Variants in GABRA6 observed in about 807,000 individuals in gnomAD.
GABRA6 encodes gamma-aminobutyric acid receptor subunit alpha-6.
GABRA6 carries 45 observed loss-of-function variants against 47.3 expected under a neutral mutation model. That is an observed-to-expected ratio of 0.95 (90% CI 0.75 to 1.22). The LOEUF (loss-of-function observed/expected upper bound fraction) is 1.22, where lower values mean the gene tolerates loss of function less well. Among genes scored for constraint, GABRA6 ranks in the 50% most tolerant of loss-of-function variants. The pLI, the probability that GABRA6 is intolerant of heterozygous loss-of-function variation, is 0.00. For synonymous variants in GABRA6, 219 were observed against 194.7 expected (o/e 1.12, Z -1.04); for missense variants, 583 against 549.3 (o/e 1.06, Z -0.61).
intron 8 of GABRA6, among the ~76,000 whole-genome samples, chr5:161,693,993 T>G (rs1343628823): frequency 2.0e-5 from 3 of 152,168 alleles, no homozygotes; most frequent in African/African-American, 7.2e-5. Context: ...TTCCTTTGAC[T>G]TAATAATATA....
rs1219664277 is a variant in GABRA6 at position 161,692,156 on chromosome 5, A to G, written c.1042A>G (p.Thr348Ala). ...ACAGTTTGCAGCCCCACCCACAGTG[A>G]CAATATCAAAAGCTACTGAACCTTT... ...KAQFAAPPTV[T>A]ISKATEPLEA... Residue 348 changes from threonine (T) to alanine (A), a missense_variant, in exon 8 of 9, where the codon ACA becomes GCA. Transcript: ENST00000274545. 3 of 1,614,124 alleles carry G rather than the reference A, an allele frequency of 1.9e-6. No individual in the cohort carries two copies. The highest frequency in any genetic ancestry group is 2.2e-5 in the East Asian group (1 of 44,904).
chr5:161,689,778 A>AGATTTAATTT lies in GABRA6; in HGVS notation c.673_673+1insATTTAATTTG (p.Gly225AspfsTer5). ...CTAGTGAGACAATTAAATCTAACAC[A>AGATTTAATTT]GGTAAGAATTTGACCAAAGGATGGA... is the stretch of plus-strand genomic sequence containing the variant. On this transcript the variant is annotated frameshift_variant and splice_region_variant, in exon 6 of 9. Transcript: ENST00000274545. LOFTEE classifies it high-confidence loss of function. 1 of 1,612,520 alleles carries AGATTTAATTT rather than the reference A, an allele frequency of 6.2e-7. No homozygotes were observed. The highest frequency in any genetic ancestry group is 8.5e-7 in the Non-Finnish European group (1 of 1,178,650).
intron 8 of GABRA6, among the ~76,000 whole-genome samples, chr5:161,699,143 TGTC>T (rs1418228173): frequency 1.3e-5 from 2 of 152,210 alleles, no homozygotes; most frequent in African/African-American, 4.8e-5. Context: ...CAACTAGGCA[TGTC>T]TTCCCTCTTT....
At position 161,701,751 on chromosome 5, in the gene GABRA6, A is replaced by C; in HGVS notation, c.1340A>C (p.Glu447Ala). The part of the protein sequence containing the change: ...WVVYLSKDTM[E>A]VSSSVE ...GTTTATCTTTCCAAAGATACAATGG[A>C]AGTCAGTAGCAGTGTTGAATAGCTT... Residue 447 changes from glutamate to alanine, a missense_variant, in exon 9 of 9, where the codon GAA (glutamate) becomes GCA (alanine). Transcript: ENST00000274545. 6.2e-7 allele frequency: 1 copy of C among 1,614,170 alleles called. No homozygotes were observed. Among genetic ancestry groups the C allele is most frequent in the East Asian group, 2.2e-5 (1 of 44,886 alleles).
In GABRA6 at chr5:161,701,661, T is replaced by C. The variant is rs1252427484; in HGVS notation, c.1250T>C (p.Ile417Thr). Residue 417 changes from isoleucine (I) to threonine (T), a missense_variant, in exon 9 of 9, where the codon ATA becomes ACA. Ile to Thr is a moderately conservative substitution (Grantham distance 89, BLOSUM62 -1). Transcript: ENST00000274545. ...CCAGCCTTTGGAGGCACCAGTAAAA[T>C]AGACCAGTATTCTCGAATTCTCTTC... The part of the protein sequence containing the change: ...LSPAFGGTSK[I>T]DQYSRILFPV... 5.0e-6 allele frequency: 8 copies of C among 1,614,048 alleles called. No individual in the cohort carries two copies. Among genetic ancestry groups the C allele is most frequent in the African/African-American group, 2.7e-5 (2 of 74,930 alleles).
chr5:161,698,418 C>T (rs1002443890), intron 8 of GABRA6, among the ~76,000 whole-genome samples: 1 of 151,782 alleles, frequency 6.6e-6, no homozygotes, highest in Non-Finnish European at 1.5e-5. Flanking sequence ...GATGTTATTT[C>T]AGACAAAGAA....
chr5:161,689,880 C>A (rs1754763298), intron 6 of GABRA6, 101 bp downstream of exon 6: 2 of 1,280,898 alleles, frequency 1.6e-6, no homozygotes, highest in Non-Finnish European at 2.3e-6. Context: ...CCATTCTCAG[C>A]TAAGCATGCT....
chr5:161,692,260 C>T, intron 8 of GABRA6, 60 bp downstream of exon 8: 2 of 1,602,714 alleles, frequency 1.2e-6, no homozygotes, highest in South Asian at 1.1e-5. Flanking sequence ...AAATAGTGAT[C>T]AGAAACAACG....
chr5:161,689,850 T>A, intron 6 of GABRA6, 71 bp downstream of exon 6: 2 of 1,451,086 alleles, frequency 1.4e-6, no homozygotes, highest in Non-Finnish European at 1.9e-6. Flanking sequence ...AAATATCTAT[T>A]TCTTTTTCCT....
intron 8 of GABRA6, among the ~76,000 whole-genome samples, chr5:161,699,655 G>C (rs1754944839): frequency 6.6e-6 from 1 of 151,362 alleles, no homozygotes; most frequent in African/African-American, 2.4e-5. Context: ...ATAGAGACGG[G>C]GTTTCACCAT....
At position 161,702,286 on chromosome 5, in the gene GABRA6, G is replaced by A. The variant is rs1331487014; in HGVS notation, c.*513G>A. On this transcript the variant is annotated 3_prime_UTR_variant, in exon 9 of 9. Transcript: ENST00000274545. ...TCAGTGGCATTGTAAAGCCTACATT[G>A]AGCTTAGCCATTTGTTTTTAACCTC... is the stretch of plus-strand genomic sequence containing the variant. 1 of 162,912 alleles carries A rather than the reference G, an allele frequency of 6.1e-6. No individual in the cohort carries two copies. 10.1% of individuals were successfully genotyped at this position (162,912 alleles called of 1,614,324 possible).
At position 161,690,331 on chromosome 5, in the gene GABRA6, C is replaced by G; in HGVS notation, c.804C>G (p.Ser268=). 6.2e-7 allele frequency: 1 copy of G among 1,613,560 alleles called. No individual in the cohort carries two copies. Among genetic ancestry groups the G allele is most frequent in the Non-Finnish European group, 8.5e-7 (1 of 1,179,808 alleles). ...SQVSFWINKE[S]VPARTVFGIT... ...TGTCTTTCTGGATTAATAAGGAGTC[C>G]GTCCCAGCAAGAACTGTTTTTGGTA... is the stretch of plus-strand genomic sequence containing the variant. The change falls in exon 7 of 9, where the codon TCC becomes TCG. Residue 268 remains serine (S), a synonymous_variant. Coordinates refer to ENST00000274545, the MANE Select transcript of GABRA6 (RefSeq NM_000811.3).
Position 161,685,917 on chromosome 5 carries a change from T to C in GABRA6, c.-73T>C, listed in dbSNP as rs1754683047. ...GGGTTTGAAAGATTTCTCCAGTTGA[T>C]TGGCAGAGAAGAGCTGGCTAGCAGG... is the stretch of plus-strand genomic sequence containing the variant. On this transcript the variant is annotated 5_prime_UTR_variant, in exon 1 of 9. Transcript: ENST00000274545. 2 of 1,174,510 alleles carry C rather than the reference T, an allele frequency of 1.7e-6. No individual in the cohort carries two copies. The highest frequency in any genetic ancestry group is 2.4e-5 in the South Asian group (2 of 82,654). 72.8% of individuals were successfully genotyped at this position (1,174,510 alleles called of 1,614,324 possible). A position where few individuals can be genotyped will look rare whatever the true frequency, so the allele number is the denominator to read the frequency against.
In GABRA6 at chr5:161,686,312, G is replaced by C. The variant is rs1445157901; in HGVS notation, c.121G>C (p.Glu41Gln). The C allele has an allele frequency of 6.2e-7, 1 of 1,614,048 alleles. No individual in the cohort carries two copies. Reference sequence around the variant, plus strand: ...CAGTCGGATCCTGGACAACTTGCTTGAAGGCTATGACAATCGGCTGCGGCC... The same window carrying C: ...CAGTCGGATCCTGGACAACTTGCTTCAAGGCTATGACAATCGGCTGCGGCC... The part of the protein sequence containing the change: ...NVSRILDNLL[E>Q]GYDNRLRPGF... The change falls in exon 2 of 9, where the codon GAA becomes CAA. Residue 41 changes from glutamate to glutamine, a missense_variant. Physicochemically the swap from Glu to Gln is conservative, Grantham distance 29. Coordinates refer to ENST00000274545, the MANE Select transcript of GABRA6 (RefSeq NM_000811.3).
intron 7 of GABRA6, among the ~76,000 whole-genome samples, chr5:161,690,911 AT>A (rs998914115): frequency 5.3e-5 from 8 of 152,196 alleles, no homozygotes; most frequent in African/African-American, 1.7e-4. Flanking sequence ...TTTAATGTTT[AT>A]AAATTTAGTA....
intron 3 of GABRA6, among the ~76,000 whole-genome samples, chr5:161,688,614 C>T (rs1479556932): frequency 6.6e-6 from 1 of 151,974 alleles, no homozygotes; most frequent in East Asian, 1.9e-4. Context: ...AGCACAAAGG[C>T]TAAACTAAAT....
rs1303871918 is a variant in GABRA6 at position 161,689,163 on chromosome 5, C to G, written c.440C>G (p.Thr147Ser). Residue 147 changes from threonine (T) to serine (S), a missense_variant, in exon 4 of 9, where the codon ACC (threonine) becomes AGC (serine). Transcript: ENST00000274545. The stretch of plus-strand genomic sequence containing the variant: ...ATGCAGAATGGAACCATTTTATACA[C>G]CATGAGGTGAGGTTTCTCCAATTCT... ...RIMQNGTILY[T>S]MRLTINADCP... 6.2e-7 allele frequency: 1 copy of G among 1,613,348 alleles called. No individual in the cohort carries two copies. The highest frequency in any genetic ancestry group is 1.1e-5 in the South Asian group (1 of 91,060).
Position 161,685,782 on chromosome 5 carries a change from G to T in GABRA6, c.-208G>T. 1 of 618,844 alleles carries T rather than the reference G, an allele frequency of 1.6e-6. No individual in the cohort carries two copies. The highest frequency in any genetic ancestry group is 2.9e-6 in the Non-Finnish European group (1 of 346,202). 38.3% of individuals were successfully genotyped at this position (618,844 alleles called of 1,614,324 possible). On this transcript the variant is annotated 5_prime_UTR_variant, in exon 1 of 9. Coordinates refer to ENST00000274545, the MANE Select transcript of GABRA6 (RefSeq NM_000811.3). Reference sequence around the variant, plus strand: ...AAGACCACAAACCACCTTGTTCCACGTGAGAAGGAAACAAGAAAGAAGGGA... The same window carrying T: ...AAGACCACAAACCACCTTGTTCCACTTGAGAAGGAAACAAGAAAGAAGGGA...
chr5:161,700,673 T>C (rs1005855593), intron 8 of GABRA6, among the ~76,000 whole-genome samples: 31 of 152,196 alleles, frequency 2.0e-4, no homozygotes, highest in African/African-American at 7.2e-4. Flanking sequence ...AAACATCCCA[T>C]TCAAGACTAT....
Sources: allele counts gnomAD v4.1 joint callset (sites outside exome capture counted in the v4.1 genomes callset), GRCh38; gene constraint gnomAD v4.1.1; transcripts MANE v1.5; gene names NCBI Gene and HGNC (gene_info 2026-07-23, HGNC 2026-07-21).